Variants in OLFM3 observed in about 807,000 individuals in gnomAD.
The protein encoded by OLFM3 is olfactomedin 3, also known as noelin-3.
A neutral mutation model predicts 48.6 loss-of-function variants in OLFM3; 20 were observed. The ratio of observed to expected loss-of-function variants is 0.41; its 90% CI spans 0.29 to 0.60. The LOEUF is 0.60. OLFM3 is among the 20% of genes least tolerant of loss of function. The probability of loss-of-function intolerance (pLI) is 0.28; values close to 1 mark genes in which losing one functional copy is unlikely to be tolerated. For missense variants in OLFM3, 437 were observed against 544.3 expected (o/e 0.80, Z 1.96); for synonymous variants, 222 against 198.1 (o/e 1.12, Z -1.01).
intron 1 of OLFM3, among the ~76,000 whole-genome samples, chr1:101,903,103 T>C (rs1029075795): frequency 2.0e-5 from 3 of 152,194 alleles, no homozygotes; most frequent in African/African-American, 7.2e-5. Context: ...GATAATTTCA[T>C]GACTTGGAAA....
intron 4 of OLFM3, among the ~76,000 whole-genome samples, chr1:101,815,450 A>G (rs1478974678): frequency 9.4e-6 from 1 of 106,896 alleles, no homozygotes; most frequent in Non-Finnish European, 2.0e-5. Context: ...CCGTCTCAAA[A>G]AAAGAAAAAA....
intron 4 of OLFM3, among the ~76,000 whole-genome samples, chr1:101,814,464 T>G (rs886796265): frequency 6.6e-6 from 1 of 152,190 alleles, no homozygotes; most frequent in Admixed American, 6.5e-5. Flanking sequence ...AGGGCAATTT[T>G]ATAAAGAGTG....
At chr1:101,909,639 A>G (rs1658680826) in intron 1 of OLFM3, among the ~76,000 whole-genome samples, 1 of 152,194 alleles carries the variant, frequency 6.6e-6, no homozygotes, top group Admixed American at 6.5e-5. Flanking sequence ...GTGAGCATCT[A>G]ATTACTTAAT....
At chr1:101,924,326 T>C (rs2101041443) in intron 1 of OLFM3, among the ~76,000 whole-genome samples, 1 of 152,316 alleles carries the variant, frequency 6.6e-6, no homozygotes, top group African/African-American at 2.4e-5. Flanking sequence ...TTCACAGTTC[T>C]TATGGATTTT....
chr1:101,950,302 C>G (rs1660097863), intron 1 of OLFM3, among the ~76,000 whole-genome samples: 1 of 152,196 alleles, frequency 6.6e-6, no homozygotes, highest in Non-Finnish European at 1.5e-5. Context: ...GCTCAAATGT[C>G]ATTTTAACAG....
chr1:101,865,460 T>A (rs1656823074), intron 1 of OLFM3, among the ~76,000 whole-genome samples: 1 of 152,210 alleles, frequency 6.6e-6, no homozygotes, highest in Admixed American at 6.5e-5. Context: ...AGGCATTTAC[T>A]TCTCCTTTTA....
intron 4 of OLFM3, among the ~76,000 whole-genome samples, chr1:101,813,742 T>C (rs547123867): frequency 2.6e-5 from 4 of 152,308 alleles, no homozygotes; most frequent in Admixed American, 1.3e-4. Flanking sequence ...AATGCCCAAT[T>C]GCAGGCTTTG....
At chr1:101,872,063 G>T (rs1657103468) in intron 1 of OLFM3, among the ~76,000 whole-genome samples, 1 of 152,058 alleles carries the variant, frequency 6.6e-6, no homozygotes, top group African/African-American at 2.4e-5. Context: ...TTTTGCAGGA[G>T]TGAAAGCAGA....
At position 101,818,422 on chromosome 1, in the gene OLFM3, A is replaced by G. The variant is rs765167921; in HGVS notation, c.592+6604T>C. 9.9e-4 allele frequency among the ~76,000 whole-genome samples: 150 copies of G among 152,172 alleles called. 1 individual carries two copies. Among genetic ancestry groups the G allele is most frequent in the South Asian group, 6.2e-4 (3 of 4,838 alleles). On this transcript the variant is annotated intron_variant, in intron 4 of 5. Coordinates refer to ENST00000370103, the MANE Select transcript of OLFM3 (RefSeq NM_058170.4). ...AGAAGAAAGAATAAAATGCATAGCA[A>G]TGGAGACATTGCCATTCTATTTTAC...
At chr1:101,920,329 T>C (rs1371769777) in intron 1 of OLFM3, among the ~76,000 whole-genome samples, 1 of 152,212 alleles carries the variant, frequency 6.6e-6, no homozygotes, top group Non-Finnish European at 1.5e-5. Flanking sequence ...GTTACCTACC[T>C]GAGCTCAACT....
At chr1:101,866,266 T>G (rs17125620) in intron 1 of OLFM3, among the ~76,000 whole-genome samples, 1,688 of 152,230 alleles carry the variant, frequency 0.011, 31 homozygotes, top group African/African-American at 0.038. Context: ...TTTATTTTAG[T>G]TGAATCATTT....
At chr1:101,922,632 C>T (rs4908202) in intron 1 of OLFM3, among the ~76,000 whole-genome samples, 69,545 of 151,946 alleles carry the variant, frequency 0.46, 16,001 homozygotes, top group East Asian at 0.59. Context: ...TATGAATACC[C>T]GTCAGAAATC....
chr1:101,825,217 A>C lies in OLFM3; in HGVS notation c.401T>G (p.Leu134Arg). 2 of 1,614,002 alleles carry C rather than the reference A, an allele frequency of 1.2e-6. No individual in the cohort carries two copies. Among genetic ancestry groups the C allele is most frequent in the Non-Finnish European group, 1.7e-6 (2 of 1,179,930 alleles). Residue 134 changes from leucine (L) to arginine (R), a missense_variant, in exon 4 of 6, where the codon CTG (leucine) becomes CGG (arginine). By Grantham distance (102) the Leu-to-Arg change is moderately radical. Around this residue, in one of 3 missense-constraint regions of OLFM3, gnomAD observed 314 missense variants for 365.5 expected, o/e 0.86. Transcript: ENST00000370103. ...QELKEKMDEL[L>R]PLIPVLEQYK... The stretch of plus-strand genomic sequence containing the variant: ...CTGTTCCAGCACGGGGATCAAAGGC[A>C]GGAGCTCGTCCATTTTCTCTTTCAA...
At chr1:101,811,280 C>G (rs1654036529) in intron 4 of OLFM3, among the ~76,000 whole-genome samples, 1 of 151,988 alleles carries the variant, frequency 6.6e-6, no homozygotes, top group Admixed American at 6.6e-5. Context: ...CAAGTGAATA[C>G]AGATTTTGTA....
intron 1 of OLFM3, among the ~76,000 whole-genome samples, chr1:101,990,110 G>A (rs1044613870): frequency 6.6e-5 from 10 of 152,036 alleles, no homozygotes; most frequent in Admixed American, 5.9e-4. Context: ...ATGCAGTTGG[G>A]CTTTGATATT....
At chr1:101,884,149 A>G (rs146484663) in intron 1 of OLFM3, among the ~76,000 whole-genome samples, 3,416 of 151,938 alleles carry the variant, frequency 0.022, 148 homozygotes, top group African/African-American at 0.078. Context: ...ACCTCTCCCA[A>G]CATCCTCTCT....
intron 1 of OLFM3, among the ~76,000 whole-genome samples, chr1:101,963,256 G>A (rs1660516911): frequency 6.6e-6 from 1 of 152,120 alleles, no homozygotes; most frequent in African/African-American, 2.4e-5. Flanking sequence ...ACAAACTCGA[G>A]GAGTACAGGC....
intron 1 of OLFM3, among the ~76,000 whole-genome samples, chr1:101,988,118 G>C (rs185816611): frequency 6.6e-6 from 1 of 151,848 alleles, no homozygotes; most frequent in African/African-American, 2.4e-5. Flanking sequence ...AATTTAAACA[G>C]AACCTTTAGA....
intron 1 of OLFM3, among the ~76,000 whole-genome samples, chr1:101,902,866 G>A (rs529626238): frequency 6.6e-6 from 1 of 152,040 alleles, no homozygotes; most frequent in African/African-American, 2.4e-5. Flanking sequence ...ATTCAAGGCT[G>A]TCTGTGAGAG....
Sources: gnomAD v4.1 joint callset for allele counts (sites outside exome capture counted in the v4.1 genomes callset) on GRCh38, gnomAD v4.1.1 for gene constraint, gnomAD v4.1.1 regional missense constraint, MANE v1.5 for transcripts, NCBI Gene and HGNC (gene_info 2026-07-23, HGNC 2026-07-21) for gene names.